The following FER1L6 variants were observed in gnomAD, a reference collection of about 807,000 sequenced individuals.
FER1L6 encodes fer-1 like family member 6.
FER1L6 carries 177 observed loss-of-function variants against 219.2 expected under a neutral mutation model. The ratio of observed to expected loss-of-function variants is 0.81; its 90% confidence interval spans 0.71 to 0.91. FER1L6 has a LOEUF of 0.91. Ranked by LOEUF, FER1L6 falls within the 40% of genes least tolerant of loss-of-function variation. The probability of loss-of-function intolerance (pLI) is 0.00; values close to 1 mark genes in which losing one functional copy is unlikely to be tolerated. For missense variants in FER1L6, 2,153 were observed against 2,259.9 expected, an observed-to-expected ratio of 0.95 and a Z score of 0.96; for synonymous variants, 768 against 824.3, an observed-to-expected ratio of 0.93 and a Z score of 1.17.
At chr8:124,046,609 A>ATAT (rs1819750922) in intron 21 of FER1L6, 1 of 152,172 alleles carries the variant, frequency 6.6e-6, no homozygotes, top group Admixed American at 6.5e-5. Context: ...AAGCACAAAT[A>ATAT]TATTAAGTAA....
chr8:123,906,060 T>A (rs1812947215), intron 1 of FER1L6, among the ~76,000 whole-genome samples: 1 of 152,200 alleles, frequency 6.6e-6, no homozygotes, highest in South Asian at 2.1e-4. Context: ...CTGTCATCAG[T>A]GATACCACCT....
At chr8:123,932,045 C>T (rs1813788433) in intron 1 of FER1L6, among the ~76,000 whole-genome samples, 1 of 152,212 alleles carries the variant, frequency 6.6e-6, no homozygotes, top group Admixed American at 6.5e-5. Flanking sequence ...TCTCAGTCAA[C>T]AGCTTCTATT....
At chr8:123,984,205 C>T (rs1210614753) in intron 11 of FER1L6, 1 of 152,154 alleles carries the variant, frequency 6.6e-6, no homozygotes, top group African/African-American at 2.4e-5. Flanking sequence ...CCCTTCTCCT[C>T]CCTGAAAGCC....
intron 1 of FER1L6, among the ~76,000 whole-genome samples, chr8:123,865,517 A>G (rs1282412167): frequency 6.6e-6 from 1 of 151,338 alleles, no homozygotes; most frequent in Admixed American, 6.6e-5. Flanking sequence ...ACCCAGTTTG[A>G]GCTTCCAGGC....
intron 13 of FER1L6, among the ~76,000 whole-genome samples, chr8:124,010,198 C>T (rs1586586735): frequency 7.0e-6 from 1 of 143,652 alleles, no homozygotes; most frequent in African/African-American, 2.6e-5. Flanking sequence ...GCTGGCGAGT[C>T]AGGGAGGAGG....
chr8:124,026,924 G>A (rs1818733568), intron 18 of FER1L6, among the ~76,000 whole-genome samples: 1 of 152,160 alleles, frequency 6.6e-6, no homozygotes, highest in Admixed American at 6.5e-5. Flanking sequence ...AGAAGTCCTA[G>A]GTCAAGGTGT....
intron 1 of FER1L6, among the ~76,000 whole-genome samples, chr8:123,886,351 G>A (rs75339004): frequency 0.028 from 4,226 of 152,222 alleles, 203 homozygotes; most frequent in African/African-American, 0.096. Flanking sequence ...TCTCCCCGGG[G>A]TTGAGTGAAT....
chr8:123,966,401 C>A, intron 5 of FER1L6, 111 bp downstream of exon 5: 1 of 1,392,242 alleles, frequency 7.2e-7, no homozygotes, highest in Non-Finnish European at 9.9e-7. Flanking sequence ...CCCTCCCTGG[C>A]CCCCAGTTAA....
At chr8:123,947,026 G>T (rs1375856835) in intron 1 of FER1L6, among the ~76,000 whole-genome samples, 1 of 151,914 alleles carries the variant, frequency 6.6e-6, no homozygotes, top group African/African-American at 2.4e-5. Flanking sequence ...GGGGCCAGGT[G>T]CTGTAATCCC....
rs557111547 is a variant in FER1L6, at chr8:124,114,374, C to G, written c.5290-4470C>G. Among the ~76,000 whole-genome samples, 7 of 152,120 alleles carry G rather than the reference C, an allele frequency of 4.6e-5. No homozygotes were observed. The South Asian group carries it at 1.5e-3, about 32-fold the overall frequency. On this transcript the variant is annotated intron_variant, in intron 39 of 40. Coordinates refer to ENST00000522917, the MANE Select transcript of FER1L6 (RefSeq NM_001039112.2). ...TCACTATAGATTCATGGATTTTTAA[C>G]AAATATGTTGTAAGCTCCATCCACT...
rs1198153631 is a variant in FER1L6, at chr8:124,071,651, T to C, written c.4092+20T>C. On this transcript the variant is annotated intron_variant, in intron 31 of 40. Transcript: ENST00000522917. The stretch of plus-strand genomic sequence containing the variant: ...GTCGCGGTGAGCCATTCTTGTTTGC[T>C]CTGAGGGGGTGTATTTATCTGCTCA... The C allele has an allele frequency of 6.2e-7, 1 of 1,605,648 alleles. No individual in the cohort carries two copies. Among genetic ancestry groups the C allele is most frequent in the South Asian group, 1.1e-5 (1 of 90,608 alleles).
In FER1L6 at chr8:124,118,783, G is replaced by A. The variant is rs796795120; in HGVS notation, c.5290-61G>A. ...TCCAACTTGGTAACACTTCTAGAAG[G>A]TTGCCATTGGCTCAGTGGGTCTTTG... is the stretch of plus-strand genomic sequence containing the variant. On this transcript the variant is annotated intron_variant, in intron 39 of 40. Coordinates refer to ENST00000522917, the MANE Select transcript of FER1L6 (RefSeq NM_001039112.2). 6 of 1,361,832 alleles carry A rather than the reference G, an allele frequency of 4.4e-6. No individual in the cohort carries two copies. In the African/African-American group the frequency reaches 7.1e-5, roughly 16 times the overall value. The allele number at this position is 1,361,832 out of a possible 1,614,324, so 84.4% of individuals were successfully genotyped here. A position where few individuals can be genotyped will look rare whatever the true frequency, so the allele number is the denominator to read the frequency against.
At chr8:123,869,113 C>T (rs1047257885) in intron 1 of FER1L6, among the ~76,000 whole-genome samples, 7 of 152,084 alleles carry the variant, frequency 4.6e-5, no homozygotes, top group African/African-American at 1.4e-4. Flanking sequence ...AAAGAAATTG[C>T]TTCTGAGCCA....
intron 1 of FER1L6, among the ~76,000 whole-genome samples, chr8:123,865,789 C>A (rs1161715663): frequency 4.7e-4 from 67 of 143,470 alleles, no homozygotes; most frequent in African/African-American, 1.0e-3. Context: ...AAGGGAACTC[C>A]CTGACCACTT....
chr8:124,060,352 A>C (rs892637589), intron 23 of FER1L6, 62 bp downstream of exon 23: 122 of 1,521,926 alleles, frequency 8.0e-5, no homozygotes, highest in Non-Finnish European at 1.1e-4. Context: ...CCCCACCTGA[A>C]TTGTAGGAGA....
In FER1L6 at chr8:123,890,625, AT is replaced by A. The variant is rs59914385; in HGVS notation, c.-8+38464del. 8.7e-3 allele frequency among the ~76,000 whole-genome samples: 794 copies of A among 91,410 alleles called. 6 individuals carry two copies. The highest frequency in any genetic ancestry group is 0.028 in the African/African-American group (663 of 23,898). 60.0% of individuals were successfully genotyped at this position (91,410 alleles called of 152,430 possible). A position where few individuals can be genotyped will look rare whatever the true frequency, so the allele number is the denominator to read the frequency against. On this transcript the variant is annotated intron_variant, in intron 1 of 40. Transcript: ENST00000522917. ...GAGCACACTAGCCATTAAAAATTTGATTTTTTTTTTTTTTTTTTTTTTTTAC... is the reference window on the plus strand; with the variant it reads ...GAGCACACTAGCCATTAAAAATTTGATTTTTTTTTTTTTTTTTTTTTTTAC...
Position 124,103,226 on chromosome 8 carries a change from G to C in FER1L6, c.5206G>C (p.Ala1736Pro). ...KACDLAKFEN[A>P]SEETKISIFQ... is the part of the protein sequence containing the mutation. ...CTGTGATCTTGCCAAGTTTGAAAAT[G>C]CAAGTGAGGAGACCAAGATCTCTAT... The change falls in exon 39 of 41, where the codon GCA becomes CCA. Residue 1736 changes from alanine (A) to proline (P), a missense_variant. Coordinates refer to ENST00000522917, the MANE Select transcript of FER1L6 (RefSeq NM_001039112.2). The C allele has an allele frequency of 6.2e-7, 1 of 1,614,158 alleles. No individual in the cohort carries two copies. Among genetic ancestry groups the C allele is most frequent in the Non-Finnish European group, 8.5e-7 (1 of 1,180,004 alleles).
intron 26 of FER1L6, 70 bp from the exon 27 acceptor site, chr8:124,066,358 A>G: frequency 6.4e-7 from 1 of 1,558,414 alleles, no homozygotes; most frequent in Non-Finnish European, 8.7e-7. Context: ...TCTTCCTCAC[A>G]AGCCAGTTGA....
intron 6 of FER1L6, among the ~76,000 whole-genome samples, chr8:123,970,718 G>A (rs1363722550): frequency 1.3e-5 from 2 of 152,154 alleles, no homozygotes; most frequent in African/African-American, 4.8e-5. Flanking sequence ...CAGGGGAAGT[G>A]CAGATACAGA....
Sources: gnomAD v4.1 joint callset for allele counts (sites outside exome capture counted in the v4.1 genomes callset) on GRCh38, gnomAD v4.1.1 for gene constraint, MANE v1.5 for transcripts, NCBI Gene and HGNC (gene_info 2026-07-23, HGNC 2026-07-21) for gene names.